Variants in CDC14B observed in about 807,000 individuals in gnomAD.
CDC14B encodes dual specificity protein phosphatase CDC14B.
Under a neutral mutation model 64.2 loss-of-function variants are expected in CDC14B, and 22 were observed. The ratio of observed to expected loss-of-function variants is 0.34; its 90% CI spans 0.24 to 0.49. The LOEUF (loss-of-function observed/expected upper bound fraction) is 0.49, where lower values mean the gene tolerates loss of function less well. Among genes scored for constraint, CDC14B ranks in the 20% least tolerant of loss-of-function variants. CDC14B has a pLI of 0.99. For synonymous variants in CDC14B, 191 were observed against 215.8 expected (o/e 0.89, Z 1.01); for missense variants, 498 against 629.9 (o/e 0.79, Z 2.24).
chr9:96,579,359 G>A (rs938084754), intron 1 of CDC14B, among the ~76,000 whole-genome samples: 6 of 151,820 alleles, frequency 4.0e-5, no homozygotes, highest in East Asian at 2.0e-4. Context: ...AAGCCAAGGC[G>A]GGTAGATCAC....
At chr9:96,572,647 T>TA (rs912926044) in intron 1 of CDC14B, among the ~76,000 whole-genome samples, 26 of 151,512 alleles carry the variant, frequency 1.7e-4, no homozygotes, top group East Asian at 5.8e-4. Flanking sequence ...TTATTCAACA[T>TA]AAAAAAAAGC....
intron 9 of CDC14B, among the ~76,000 whole-genome samples, 182 bp from the exon 10 acceptor site, chr9:96,523,907 A>G (rs753729215): frequency 1.9e-4 from 29 of 151,934 alleles, no homozygotes; most frequent in Non-Finnish European, 4.4e-5. Flanking sequence ...CCGGTCTCAC[A>G]TCCGGAATGT....
At chr9:96,553,567 G>C (rs1842113711) in intron 4 of CDC14B, among the ~76,000 whole-genome samples, 1 of 151,714 alleles carries the variant, frequency 6.6e-6, no homozygotes, top group Admixed American at 6.6e-5. Context: ...CACCATGTTT[G>C]CCAGGCTGGT....
At chr9:96,572,913 G>A (rs957757102) in intron 1 of CDC14B, among the ~76,000 whole-genome samples, 2 of 152,202 alleles carry the variant, frequency 1.3e-5, no homozygotes, top group African/African-American at 4.8e-5. Context: ...AATGTAGTAA[G>A]TGGAAGTGCT....
chr9:96,547,715 A>G (rs1841162437), intron 5 of CDC14B, among the ~76,000 whole-genome samples: 1 of 151,982 alleles, frequency 6.6e-6, no homozygotes, highest in Non-Finnish European at 1.5e-5. Context: ...AGCCTTCCGA[A>G]GTGCTGGAAT....
rs553093673 is a variant in CDC14B at position 96,529,038 on chromosome 9, T to C, written c.946+4889A>G. Among the ~76,000 whole-genome samples the C allele has an allele frequency of 1.2e-4, 18 of 152,306 alleles. No individual in the cohort carries two copies. In the East Asian group the frequency reaches 3.3e-3, roughly 28 times the overall value. ...TTTGCAAATATTTTCTCCCAATCCATGGGTTACCTTGTTACTCTGCTGATA... is the reference window on the plus strand; with the variant it reads ...TTTGCAAATATTTTCTCCCAATCCACGGGTTACCTTGTTACTCTGCTGATA... On this transcript the variant is annotated intron_variant, in intron 9 of 13. Transcript: ENST00000375241.
chr9:96,563,608 C>T (rs532913097), intron 3 of CDC14B, among the ~76,000 whole-genome samples: 65 of 149,702 alleles, frequency 4.3e-4, no homozygotes, highest in African/African-American at 1.5e-3. Flanking sequence ...CCAGATTGCT[C>T]CACTGCACTC....
intron 12 of CDC14B, chr9:96,514,308 G>T: frequency 1.9e-6 from 1 of 535,926 alleles, no homozygotes; most frequent in Non-Finnish European, 2.4e-6. Flanking sequence ...AACAGTTTGA[G>T]AAGAATAACT....
intron 1 of CDC14B, among the ~76,000 whole-genome samples, chr9:96,591,829 T>C (rs1465380754): frequency 1.3e-5 from 2 of 151,848 alleles, no homozygotes; most frequent in African/African-American, 4.8e-5. Flanking sequence ...CACTGCAAGC[T>C]CCGCCTCCCG....
chr9:96,594,175 A>C (rs913723499), intron 1 of CDC14B, among the ~76,000 whole-genome samples: 4 of 152,214 alleles, frequency 2.6e-5, no homozygotes, highest in Admixed American at 6.5e-5. Flanking sequence ...CAAAAAGGTG[A>C]GCCCTGCAAC....
intron 9 of CDC14B, among the ~76,000 whole-genome samples, chr9:96,525,191 C>A (rs947602361): frequency 6.6e-6 from 1 of 151,996 alleles, no homozygotes; most frequent in Non-Finnish European, 1.5e-5. Flanking sequence ...GCTGGACACT[C>A]CCCCTCTAAA....
intron 8 of CDC14B, 48 bp downstream of exon 8, chr9:96,534,407 T>G: frequency 7.8e-7 from 1 of 1,289,212 alleles, no homozygotes; most frequent in East Asian, 2.3e-5. Flanking sequence ...AAATATAGGA[T>G]AGATATTTTC....
chr9:96,571,060 C>T (rs1045323595), intron 1 of CDC14B, among the ~76,000 whole-genome samples: 13 of 151,886 alleles, frequency 8.6e-5, no homozygotes, highest in African/African-American at 2.9e-4. Context: ...ATCCAATATA[C>T]GGCAGGTGTT....
intron 12 of CDC14B, among the ~76,000 whole-genome samples, chr9:96,517,643 CA>C (rs1016405679): frequency 0.012 from 400 of 34,632 alleles, 1 homozygote; most frequent in African/African-American, 0.043. Context: ...GACTCCGTCT[CA>C]AAAAAAAAAA....
intron 5 of CDC14B, among the ~76,000 whole-genome samples, chr9:96,544,831 G>A (rs1362034800): frequency 6.6e-6 from 1 of 152,106 alleles, no homozygotes; most frequent in Non-Finnish European, 1.5e-5. Flanking sequence ...TTTTTGTTCT[G>A]TAAGGTTCTG....
At chr9:96,581,792 C>T (rs753903901) in intron 1 of CDC14B, among the ~76,000 whole-genome samples, 3 of 152,150 alleles carry the variant, frequency 2.0e-5, no homozygotes, top group Non-Finnish European at 4.4e-5. Flanking sequence ...TCCTCTGCAT[C>T]CCTGTTCAGT....
At chr9:96,530,394 G>A (rs912603859) in intron 9 of CDC14B, among the ~76,000 whole-genome samples, 5 of 148,344 alleles carry the variant, frequency 3.4e-5, no homozygotes, top group South Asian at 2.1e-4. Flanking sequence ...CCAGATTCAC[G>A]CAATTCTCCT....
chr9:96,587,730 G>T (rs1164650906), intron 1 of CDC14B, among the ~76,000 whole-genome samples: 1 of 152,162 alleles, frequency 6.6e-6, no homozygotes, highest in Non-Finnish European at 1.5e-5. Flanking sequence ...CACCAAGGAA[G>T]AGTAAGTAGC....
chr9:96,560,470 A>C (rs541775944), intron 4 of CDC14B, among the ~76,000 whole-genome samples: 1 of 151,946 alleles, frequency 6.6e-6, no homozygotes, highest in South Asian at 2.1e-4. Context: ...TTAATCTATG[A>C]GGTTCCTCTC....
Sources: allele counts gnomAD v4.1 joint callset (sites outside exome capture counted in the v4.1 genomes callset), GRCh38; gene constraint gnomAD v4.1.1; transcripts MANE v1.5; gene names NCBI Gene and HGNC (gene_info 2026-07-23, HGNC 2026-07-21).